The following VWA3B variants were observed in gnomAD, a reference collection of about 807,000 sequenced individuals.
VWA3B encodes the protein von Willebrand factor A domain containing 3B, also known as von Willebrand factor A domain-containing protein 3B.
A neutral mutation model predicts 158.3 loss-of-function variants in VWA3B; 138 were observed. The ratio of observed to expected loss-of-function variants is 0.87; its 90% confidence interval spans 0.76 to 1.00. The LOEUF is 1.00. Among genes scored for constraint, VWA3B ranks in the 50% least tolerant of loss-of-function variants. The pLI is 0.00. For missense variants in VWA3B, 1,555 were observed against 1,565.1 expected (o/e 0.99, Z 0.11); for synonymous variants, 596 against 587.3 (o/e 1.01, Z -0.21).
chr2:98,312,315 G>T lies in VWA3B; in HGVS notation c.3851G>T (p.Ser1284Ile). Residue 1284 changes from serine to isoleucine, a missense_variant, in exon 28 of 28, where the codon AGC becomes ATC. Physicochemically the swap from Ser to Ile is moderately radical, Grantham distance 142. Transcript: ENST00000477737. ...TGTACTCTCCAAGCCACCCACAGCAGCAAAGGGCTGAGGAGCGTCCCTGAG... is the reference window on the plus strand; with the variant it reads ...TGTACTCTCCAAGCCACCCACAGCATCAAAGGGCTGAGGAGCGTCCCTGAG... ...LPCTLQATHS[S>I]KGLRSVPETL 6.2e-7 allele frequency: 1 copy of T among 1,613,964 alleles called. No homozygotes were observed. Among genetic ancestry groups the T allele is most frequent in the East Asian group, 2.2e-5 (1 of 44,862 alleles).
intron 12 of VWA3B, among the ~76,000 whole-genome samples, chr2:98,205,367 G>A (rs1025582678): frequency 6.6e-6 from 1 of 152,150 alleles, no homozygotes; most frequent in Admixed American, 6.5e-5. Context: ...TGCAAGAGAT[G>A]TTGTAATAGG....
chr2:98,178,352 G>T (rs1315395614), intron 8 of VWA3B, among the ~76,000 whole-genome samples: 1 of 152,176 alleles, frequency 6.6e-6, no homozygotes, highest in African/African-American at 2.4e-5. Flanking sequence ...CACTCTAGTA[G>T]GTTTCAGAGT....
chr2:98,229,212 A>G (rs1361713455), intron 15 of VWA3B, among the ~76,000 whole-genome samples: 2 of 152,236 alleles, frequency 1.3e-5, no homozygotes, highest in Non-Finnish European at 2.9e-5. Flanking sequence ...TTGAACAAAT[A>G]AACTAAGAAT....
chr2:98,105,122 T>C (rs1683348597), intron 2 of VWA3B, among the ~76,000 whole-genome samples: 2 of 152,226 alleles, frequency 1.3e-5, no homozygotes, highest in South Asian at 4.1e-4. Context: ...TTTCAACTGA[T>C]GTTATTTCCT....
At chr2:98,217,754 G>A (rs1684148366) in intron 13 of VWA3B, 92 bp from the exon 14 acceptor site, 1 of 1,169,468 alleles carries the variant, frequency 8.6e-7, no homozygotes, top group Non-Finnish European at 1.2e-6. Context: ...TACTATTTGA[G>A]TATCTGTAGT....
chr2:98,186,267 A>G (rs1681036953), intron 9 of VWA3B, among the ~76,000 whole-genome samples: 2 of 150,754 alleles, frequency 1.3e-5, no homozygotes, highest in African/African-American at 4.9e-5. Flanking sequence ...TAACCTGTCA[A>G]TGCCGAAGCA....
intron 8 of VWA3B, among the ~76,000 whole-genome samples, chr2:98,166,783 C>A (rs1038361019): frequency 7.6e-6 from 1 of 131,920 alleles, no homozygotes; most frequent in Non-Finnish European, 1.6e-5. Context: ...TATCAGTTCC[C>A]TTTGTTTTAA....
intron 9 of VWA3B, 100 bp downstream of exon 9, chr2:98,181,312 G>A: frequency 7.7e-7 from 1 of 1,301,686 alleles, no homozygotes; most frequent in Non-Finnish European, 1.1e-6. Flanking sequence ...GGGCAGCAGG[G>A]AGAGAAACCA....
At chr2:98,110,080 C>CTT (rs541914854) in intron 2 of VWA3B, among the ~76,000 whole-genome samples, 228 of 145,092 alleles carry the variant, frequency 1.6e-3, no homozygotes, top group African/African-American at 5.3e-3. Flanking sequence ...TCTTTGAATT[C>CTT]TTTTTTTTTT....
At chr2:98,211,862 A>G in intron 12 of VWA3B, 68 bp from the exon 13 acceptor site, 1 of 1,389,844 alleles carries the variant, frequency 7.2e-7, no homozygotes, top group Non-Finnish European at 1.0e-6. Context: ...GGAAGCAGAA[A>G]ATAAATACTT....
intron 12 of VWA3B, among the ~76,000 whole-genome samples, chr2:98,209,196 TTTC>T (rs1683282583): frequency 6.6e-6 from 1 of 152,242 alleles, no homozygotes; most frequent in South Asian, 2.1e-4. Context: ...TTGGTGTGGC[TTTC>T]TTTGGTTTTA....
intron 7 of VWA3B, among the ~76,000 whole-genome samples, chr2:98,144,471 C>T (rs1422297855): frequency 1.3e-5 from 2 of 151,906 alleles, no homozygotes; most frequent in Non-Finnish European, 2.9e-5. Context: ...CCTGAGTTCT[C>T]TCTTGGTTGG....
rs753715353 is a variant in VWA3B at position 98,119,470 on chromosome 2, T to C, written c.292-43T>C. On this transcript the variant is annotated intron_variant, in intron 3 of 27. Transcript: ENST00000477737. ...GCAGCACTGTGGTTCAAATGACTTA[T>C]TTTGGTGTTGTTTTATTGTTTTTGT... 11 of 1,601,988 alleles carry C rather than the reference T, an allele frequency of 6.9e-6. No homozygotes were observed. In the Admixed American group the frequency reaches 1.5e-4, roughly 22 times the overall value.
Position 98,188,025 on chromosome 2 carries a change from T to C in VWA3B, c.1362T>C (p.His454=), listed in dbSNP as rs781070613. The C allele has an allele frequency of 1.9e-6, 3 of 1,613,994 alleles. No individual in the cohort carries two copies. In the East Asian group the frequency reaches 6.7e-5, roughly 36 times the overall value. ...VHAKYCSRFV[H]APWKDGSLVH... ...CAAAATATTGCAGCAGGTTTGTCCA[T>C]GCTCCCTGGAAGGATGGGAGCTTGG... The change falls in exon 10 of 28, where the codon CAT becomes CAC. Residue 454 remains histidine, a synonymous_variant. Coordinates refer to ENST00000477737, the MANE Select transcript of VWA3B (RefSeq NM_144992.5).
chr2:98,208,609 G>GCAAA (rs1368625943), intron 12 of VWA3B, among the ~76,000 whole-genome samples: 1 of 152,054 alleles, frequency 6.6e-6, no homozygotes, highest in East Asian at 1.9e-4. Flanking sequence ...ACTTATCACA[G>GCAAA]CCTATTGGTG....
intron 24 of VWA3B, among the ~76,000 whole-genome samples, chr2:98,299,475 C>A (rs1053734900): frequency 4.6e-5 from 7 of 152,164 alleles, no homozygotes; most frequent in Non-Finnish European, 8.8e-5. Context: ...GGAGGAGAAG[C>A]GCTGGAGGAG....
chr2:98,200,674 TAA>T (rs1682464478), intron 12 of VWA3B, among the ~76,000 whole-genome samples: 1 of 152,244 alleles, frequency 6.6e-6, no homozygotes, highest in South Asian at 2.1e-4. Flanking sequence ...TCACTGTGTA[TAA>T]GTTTTTAATT....
intron 5 of VWA3B, 134 bp from the exon 6 acceptor site, chr2:98,128,105 A>G (rs980434477): frequency 1.7e-5 from 18 of 1,086,582 alleles, no homozygotes; most frequent in Admixed American, 4.3e-5. Flanking sequence ...TCCTCAGAAA[A>G]CCCTGGGCAG....
At chr2:98,158,339 A>C (rs965012313) in intron 7 of VWA3B, among the ~76,000 whole-genome samples, 3 of 152,204 alleles carry the variant, frequency 2.0e-5, no homozygotes, top group Non-Finnish European at 4.4e-5. Context: ...CAAGTGCCCG[A>C]GCACTGCAGG....
Sources: allele counts gnomAD v4.1 joint callset (sites outside exome capture counted in the v4.1 genomes callset), GRCh38; gene constraint gnomAD v4.1.1; transcripts MANE v1.5; gene names NCBI Gene and HGNC (gene_info 2026-07-23, HGNC 2026-07-21).